CFAP54: variants seen among roughly 807,000 people sequenced by gnomAD.
CFAP54 encodes the protein cilia- and flagella-associated protein 54.
A neutral mutation model predicts 370.4 loss-of-function variants in CFAP54; 290 were observed. That is an observed-to-expected ratio of 0.78 (90% confidence interval 0.71 to 0.86). The LOEUF (loss-of-function observed/expected upper bound fraction) is 0.86, where lower values mean the gene tolerates loss of function less well. Ranked by LOEUF, CFAP54 falls within the 40% of genes least tolerant of loss-of-function variation. The probability of loss-of-function intolerance (pLI) is 0.00; values close to 1 mark genes in which losing one functional copy is unlikely to be tolerated. For missense variants in CFAP54, 3,399 were observed against 3,528.7 expected, an observed-to-expected ratio of 0.96 and a Z score of 0.93; for synonymous variants, 1,206 against 1,236.5, an observed-to-expected ratio of 0.98 and a Z score of 0.52.
chr12:96,853,741 G>T (rs567753132), intron 66 of CFAP54, among the ~76,000 whole-genome samples: 2 of 152,146 alleles, frequency 1.3e-5, no homozygotes, highest in African/African-American at 4.8e-5. Flanking sequence ...GACATTTTAG[G>T]GTAGTTTGTG....
chr12:96,844,702 A>T (rs1959289489), intron 66 of CFAP54, among the ~76,000 whole-genome samples: 1 of 152,218 alleles, frequency 6.6e-6, no homozygotes, highest in South Asian at 2.1e-4. Context: ...AGGCCTGAAG[A>T]GTTGCCCAAA....
At chr12:96,704,452 G>GTGTATATA (rs1370305562) in intron 46 of CFAP54, among the ~76,000 whole-genome samples, 5 of 61,300 alleles carry the variant, frequency 8.2e-5, no homozygotes, top group Non-Finnish European at 1.3e-4. Context: ...ATGTATGTGT[G>GTGTATATA]TATATATATA....
intron 27 of CFAP54, 28 bp downstream of exon 27, chr12:96,621,749 A>G (rs1268666068): frequency 6.7e-7 from 1 of 1,502,658 alleles, no homozygotes; most frequent in African/African-American, 1.4e-5. Context: ...TCATTTTTAA[A>G]CCTACGTTTA....
intron 25 of CFAP54, among the ~76,000 whole-genome samples, chr12:96,595,649 A>G (rs541988517): frequency 1.3e-5 from 2 of 152,268 alleles, no homozygotes; most frequent in African/African-American, 4.8e-5. Context: ...GTCTCCTCCT[A>G]CATTCCCTAC....
At chr12:96,620,590 T>C (rs1454998781) in intron 26 of CFAP54, among the ~76,000 whole-genome samples, 1 of 152,246 alleles carries the variant, frequency 6.6e-6, no homozygotes, top group Non-Finnish European at 1.5e-5. Flanking sequence ...AACAAACTAA[T>C]ACACTTGTCT....
At chr12:96,589,037 TG>T (rs949018401) in intron 22 of CFAP54, among the ~76,000 whole-genome samples, 18 of 152,226 alleles carry the variant, frequency 1.2e-4, no homozygotes, top group Admixed American at 3.3e-4. Flanking sequence ...TTGGGAAATC[TG>T]ATTGTTTCTC....
chr12:96,574,910 T>C (rs1339902721), intron 19 of CFAP54, among the ~76,000 whole-genome samples: 3 of 152,148 alleles, frequency 2.0e-5, no homozygotes, highest in Non-Finnish European at 2.9e-5. Context: ...TCTGTTTCTC[T>C]CTGTATTTGG....
intron 25 of CFAP54, among the ~76,000 whole-genome samples, chr12:96,596,431 G>T (rs962678587): frequency 3.9e-5 from 6 of 151,976 alleles, no homozygotes; most frequent in Non-Finnish European, 8.8e-5. Context: ...ATATATATGA[G>T]AATGTAATAT....
At chr12:96,599,897 A>G (rs1185334193) in intron 26 of CFAP54, among the ~76,000 whole-genome samples, 3 of 151,922 alleles carry the variant, frequency 2.0e-5, no homozygotes, top group Admixed American at 2.0e-4. Flanking sequence ...TGTAGATTCT[A>G]GATATTAGCC....
intron 19 of CFAP54, chr12:96,573,123 T>G: frequency 1.2e-6 from 1 of 805,852 alleles, no homozygotes; most frequent in Non-Finnish European, 1.5e-6. Flanking sequence ...GCTCCAGACA[T>G]AATCCCGAGG....
rs1008509406 is a variant in CFAP54 at position 96,786,881 on chromosome 12, C to G, written c.8662C>G (p.Arg2888Gly). The change falls in exon 62 of 68, where the codon CGT becomes GGT. Residue 2888 changes from arginine (R) to glycine (G), a missense_variant. By Grantham distance (125) the Arg-to-Gly change is moderately radical. This residue lies in a region of CFAP54 where 2,796 missense variants were observed against 2,869.7 expected (regional missense o/e 0.97). Coordinates refer to ENST00000524981, the MANE Select transcript of CFAP54 (RefSeq NM_001306084.2). ...ENPPLSEKDL[R>G]ESSAKLYRDS... ...TCCCCCTCTTTCAGAAAAAGACTTACGTGAATCATCTGCCAAGGTAACGTT... is the reference window on the plus strand; with the variant it reads ...TCCCCCTCTTTCAGAAAAAGACTTAGGTGAATCATCTGCCAAGGTAACGTT... 1 of 1,531,520 alleles carries G rather than the reference C, an allele frequency of 6.5e-7. No homozygotes were observed. The highest frequency in any genetic ancestry group is 2.0e-5 in the Admixed American group (1 of 50,452). The allele number at this position is 1,531,520 out of a possible 1,614,324, so 94.9% of individuals were successfully genotyped here.
intron 67 of CFAP54, among the ~76,000 whole-genome samples, chr12:96,863,602 T>C (rs984133585): frequency 6.6e-6 from 1 of 152,080 alleles, no homozygotes; most frequent in African/African-American, 2.4e-5. Flanking sequence ...GAGGAAGACA[T>C]AGTTGAGGTT....
At chr12:96,545,037 G>A (rs370207620) in intron 14 of CFAP54, among the ~76,000 whole-genome samples, 122 of 151,922 alleles carry the variant, frequency 8.0e-4, no homozygotes, top group African/African-American at 2.9e-3. Flanking sequence ...TCAGCCTCCC[G>A]AGTAGCTGGG....
chr12:96,543,126 T>C (rs183602141), intron 14 of CFAP54, among the ~76,000 whole-genome samples: 2 of 152,334 alleles, frequency 1.3e-5, no homozygotes, highest in Admixed American at 6.5e-5. Flanking sequence ...TTTACTCCCT[T>C]GCGTTGAATC....
intron 48 of CFAP54, 92 bp from the exon 49 acceptor site, chr12:96,718,351 C>G: frequency 1.4e-6 from 1 of 702,256 alleles, no homozygotes; most frequent in Non-Finnish European, 2.5e-6. Flanking sequence ...AGAGCCAGAC[C>G]CTGTCTCAAA....
At chr12:96,524,239 A>G (rs1414855362) in intron 8 of CFAP54, among the ~76,000 whole-genome samples, 3 of 152,176 alleles carry the variant, frequency 2.0e-5, no homozygotes, top group Non-Finnish European at 4.4e-5. Context: ...TTCAATAAAT[A>G]TTTTTTAAGT....
At chr12:96,577,472 T>C (rs1955989769) in intron 20 of CFAP54, among the ~76,000 whole-genome samples, 1 of 152,130 alleles carries the variant, frequency 6.6e-6, no homozygotes, top group Admixed American at 6.6e-5. Context: ...AAAAATAAAG[T>C]TTTATCTTTG....
chr12:96,513,625 C>T (rs1955197942), intron 5 of CFAP54, among the ~76,000 whole-genome samples: 1 of 152,144 alleles, frequency 6.6e-6, no homozygotes, highest in Non-Finnish European at 1.5e-5. Context: ...CCTGTAGTCC[C>T]AGCTACTTGG....
At position 96,639,176 on chromosome 12, in the gene CFAP54, C is replaced by T. The variant is rs138392284; in HGVS notation, c.4317-5002C>T. On this transcript the variant is annotated intron_variant, in intron 32 of 67. Coordinates refer to ENST00000524981, the MANE Select transcript of CFAP54 (RefSeq NM_001306084.2). ...GAAAAGATCAACAAAACTGATAGAC[C>T]GATAGCAAGACTAGTAAAGAAGAAA... is the stretch of plus-strand genomic sequence containing the variant. 1.8e-4 allele frequency among the ~76,000 whole-genome samples: 27 copies of T among 151,966 alleles called. No individual in the cohort carries two copies. In the East Asian group the frequency reaches 4.3e-3, roughly 24 times the overall value.
Sources: gnomAD v4.1 joint callset for allele counts (sites outside exome capture counted in the v4.1 genomes callset) on GRCh38, gnomAD v4.1.1 for gene constraint, gnomAD v4.1.1 regional missense constraint, MANE v1.5 for transcripts, NCBI Gene and HGNC (gene_info 2026-07-23, HGNC 2026-07-21) for gene names.